Variants in PCDH15 observed in about 807,000 individuals in gnomAD.
PCDH15 encodes the protein protocadherin-15.
A neutral mutation model predicts 178.5 loss-of-function variants in PCDH15; 129 were observed. The ratio of observed to expected loss-of-function variants is 0.72; its 90% CI spans 0.63 to 0.84. PCDH15 has a LOEUF of 0.84. Among genes scored for constraint, PCDH15 ranks in the 40% least tolerant of loss-of-function variants. PCDH15 has a pLI of 0.00. For missense variants in PCDH15, 2,230 were observed against 2,099.9 expected (o/e 1.06, Z -1.21); for synonymous variants, 800 against 732.0 (o/e 1.09, Z -1.50).
rs551659042 is a variant in PCDH15 at position 55,341,262 on chromosome 10, C to T, written c.-155-174611G>A. Among the ~76,000 whole-genome samples the T allele has an allele frequency of 4.6e-5, 7 of 151,930 alleles. No individual in the cohort carries two copies. The East Asian group carries it at 1.4e-3, about 29-fold the overall frequency. ...AGATTCATCTATATACACATTTATC[C>T]TATGTAAAATTAATTTTAAAAACAC... is the stretch of plus-strand genomic sequence containing the variant. On this transcript the variant is annotated intron_variant, in intron 2 of 5. Transcript: ENST00000613346.
intron 1 of PCDH15, among the ~76,000 whole-genome samples, chr10:54,741,282 T>C (rs1345246921): frequency 6.6e-6 from 1 of 151,316 alleles, no homozygotes; most frequent in African/African-American, 2.4e-5. Context: ...CTAATACATA[T>C]AAAAATAAAG....
intron 20 of PCDH15, among the ~76,000 whole-genome samples, chr10:54,010,760 A>C (rs1452694256): frequency 6.6e-6 from 1 of 152,170 alleles, no homozygotes; most frequent in African/African-American, 2.4e-5. Flanking sequence ...CAATATGGAC[A>C]GAAGCCCAGT....
At chr10:55,516,411 A>T (rs2132158014) in intron 2 of PCDH15, among the ~76,000 whole-genome samples, 1 of 152,246 alleles carries the variant, frequency 6.6e-6, no homozygotes, top group East Asian at 1.9e-4. Context: ...AGTCTCGAGC[A>T]TGTCTTCATC....
chr10:55,314,552 A>ATT (rs1057439297), intron 1 of PCDH15, among the ~76,000 whole-genome samples: 14 of 144,880 alleles, frequency 9.7e-5, no homozygotes, highest in Admixed American at 1.4e-4. Flanking sequence ...AATATTCGTC[A>ATT]TTATATATAT....
At chr10:54,323,000 T>A (rs974807995) in intron 7 of PCDH15, among the ~76,000 whole-genome samples, 27 of 152,142 alleles carry the variant, frequency 1.8e-4, no homozygotes, top group Non-Finnish European at 1.5e-5. Context: ...TATAAGGAAC[T>A]TAAACAATTT....
intron 2 of PCDH15, among the ~76,000 whole-genome samples, chr10:55,108,016 C>T (rs1837398302): frequency 6.6e-6 from 1 of 152,050 alleles, no homozygotes; most frequent in Non-Finnish European, 1.5e-5. Flanking sequence ...ATGAAGCTCC[C>T]ATGATAGAAT....
At chr10:54,149,660 C>A (rs1438078526) in intron 14 of PCDH15, among the ~76,000 whole-genome samples, 1 of 152,126 alleles carries the variant, frequency 6.6e-6, no homozygotes, top group Non-Finnish European at 1.5e-5. Context: ...AATGATTTGC[C>A]TTTTACTCAG....
At position 54,600,065 on chromosome 10, in the gene PCDH15, T is replaced by C. The variant is rs527458361; in HGVS notation, c.91+64107A>G. Reference sequence around the variant, plus strand: ...GAACAGAAAGAGGAAGAAAAGGAAATCGAGGAAGCTCCCAAGGAATAGAAG... The same window carrying C: ...GAACAGAAAGAGGAAGAAAAGGAAACCGAGGAAGCTCCCAAGGAATAGAAG... On this transcript the variant is annotated intron_variant, in intron 2 of 37. Coordinates refer to ENST00000644397, the MANE Select transcript of PCDH15 (RefSeq NM_001384140.1). 5.0e-5 allele frequency: 58 copies of C among 1,167,762 alleles called. No homozygotes were observed. The Middle Eastern group carries it at 7.8e-4, about 16-fold the overall frequency. 72.3% of individuals were successfully genotyped at this position (1,167,762 alleles called of 1,614,324 possible).
intron 2 of PCDH15, among the ~76,000 whole-genome samples, chr10:55,510,185 C>A (rs560291326): frequency 6.6e-6 from 1 of 151,962 alleles, no homozygotes; most frequent in East Asian, 1.9e-4. Flanking sequence ...TAAGTTATCA[C>A]AATGTTGATA....
intron 3 of PCDH15, among the ~76,000 whole-genome samples, chr10:54,518,991 G>T (rs1293234506): frequency 1.3e-5 from 2 of 152,126 alleles, no homozygotes; most frequent in Non-Finnish European, 2.9e-5. Flanking sequence ...TGCAGAAAAG[G>T]CCTTTGACAA....
At chr10:54,415,128 G>GA (rs1589280589) in intron 3 of PCDH15, among the ~76,000 whole-genome samples, 1 of 151,886 alleles carries the variant, frequency 6.6e-6, no homozygotes, top group Non-Finnish European at 1.5e-5. Context: ...AAGTATTTAT[G>GA]AAAAAATTCA....
At chr10:54,523,062 A>G (rs1017981113) in intron 3 of PCDH15, among the ~76,000 whole-genome samples, 9 of 152,318 alleles carry the variant, frequency 5.9e-5, no homozygotes, top group Middle Eastern at 3.4e-3. Context: ...AGTAAAAGCA[A>G]TATCATAGTT....
At chr10:54,204,602 A>AC (rs1370004536) in intron 10 of PCDH15, among the ~76,000 whole-genome samples, 12 of 78,176 alleles carry the variant, frequency 1.5e-4, no homozygotes, top group Non-Finnish European at 2.9e-4. Flanking sequence ...TAAAAATGTT[A>AC]CTAAAAAAAT....
intron 2 of PCDH15, among the ~76,000 whole-genome samples, chr10:54,622,643 T>TA (rs2093404322): frequency 9.8e-6 from 1 of 101,874 alleles, no homozygotes; most frequent in Non-Finnish European, 1.8e-5. Flanking sequence ...TATTATATAA[T>TA]TATATATATA....
At chr10:54,657,965 A>G (rs1455581880) in intron 2 of PCDH15, among the ~76,000 whole-genome samples, 1 of 152,202 alleles carries the variant, frequency 6.6e-6, no homozygotes, top group Non-Finnish European at 1.5e-5. Flanking sequence ...TATATTAGAA[A>G]ATAGAACTTC....
At chr10:54,621,586 CTCTA>C (rs905481870) in intron 2 of PCDH15, among the ~76,000 whole-genome samples, 37 of 152,052 alleles carry the variant, frequency 2.4e-4, no homozygotes, top group Admixed American at 1.2e-3. Flanking sequence ...AATACATAGT[CTCTA>C]TCTATTTTTC....
At chr10:54,536,026 CA>C (rs1290835347) in intron 2 of PCDH15, among the ~76,000 whole-genome samples, 6 of 152,112 alleles carry the variant, frequency 3.9e-5, no homozygotes, top group Admixed American at 3.3e-4. Context: ...TTCCAGCAAG[CA>C]ACCATGATTC....
chr10:53,973,857 C>T (rs1225418993), intron 21 of PCDH15, among the ~76,000 whole-genome samples: 1 of 152,056 alleles, frequency 6.6e-6, no homozygotes, highest in Non-Finnish European at 1.5e-5. Context: ...GGTAAAGTAA[C>T]ATAGTCTCCT....
chr10:55,328,940 AT>A (rs1844114452), intron 2 of PCDH15, among the ~76,000 whole-genome samples: 1 of 132,668 alleles, frequency 7.5e-6, no homozygotes, highest in Non-Finnish European at 1.6e-5. Context: ...ATATATATAT[AT>A]ATATATATAA....
Sources: gnomAD v4.1 joint callset for allele counts (sites outside exome capture counted in the v4.1 genomes callset) on GRCh38, gnomAD v4.1.1 for gene constraint, MANE v1.5 for transcripts, NCBI Gene and HGNC (gene_info 2026-07-23, HGNC 2026-07-21) for gene names.